The following SPAG1 variants were observed in gnomAD, a reference collection of about 807,000 sequenced individuals.
The protein encoded by SPAG1 is sperm associated antigen 1.
SPAG1 carries 69 observed loss-of-function variants against 100.5 expected under a neutral mutation model. That is an observed-to-expected ratio of 0.69 (90% CI 0.57 to 0.84). SPAG1 has a LOEUF of 0.84. Among genes scored for constraint, SPAG1 ranks in the 40% least tolerant of loss-of-function variants. The probability of loss-of-function intolerance (pLI) is 0.00; values close to 1 mark genes in which losing one functional copy is unlikely to be tolerated. For missense variants in SPAG1, 955 were observed against 1,133.1 expected (o/e 0.84, Z 2.26); for synonymous variants, 336 against 411.6 (o/e 0.82, Z 2.22).
chr8:100,168,685 A>ACCTTTTTTTTTTTTTTTTTTTTTTTTT (rs1815675141), intron 3 of SPAG1, among the ~76,000 whole-genome samples: 1 of 55,380 alleles, frequency 1.8e-5, no homozygotes, highest in African/African-American at 8.9e-5. Context: ...ATGCCCAGCC[A>ACCTTTTTTTTTTTTTTTTTTTTTTTTT]TCTTTTTTTT....
chr8:100,158,136 C>T (rs1482971324), upstream of SPAG1: 1 of 152,348 alleles, frequency 6.6e-6, no homozygotes, highest in Non-Finnish European at 1.5e-5. Context: ...CCTGTGTGTA[C>T]CTGCCGGCCG....
At chr8:100,200,357 T>C (rs1193949271) in intron 10 of SPAG1, among the ~76,000 whole-genome samples, 1 of 152,234 alleles carries the variant, frequency 6.6e-6, no homozygotes, top group Non-Finnish European at 1.5e-5. Flanking sequence ...TGATGGACAT[T>C]TGGGTTGGTT....
chr8:100,206,017 CAAAAA>C (rs574907013), intron 10 of SPAG1, among the ~76,000 whole-genome samples: 31 of 77,330 alleles, frequency 4.0e-4, no homozygotes, highest in African/African-American at 1.5e-3. Flanking sequence ...GACTCTGTCT[CAAAAA>C]AAAAAAAAAA....
intron 3 of SPAG1, among the ~76,000 whole-genome samples, chr8:100,176,807 C>CCCTCTCCTCTCCTCTCCACTCCTCT (rs1816140007): frequency 2.6e-5 from 3 of 116,296 alleles, no homozygotes; most frequent in Non-Finnish European, 5.1e-5. Context: ...TCATAAATTT[C>CCCTCTCCTCTCCTCTCCACTCCTCT]CCTCTCCTCT....
intron 16 of SPAG1, among the ~76,000 whole-genome samples, chr8:100,234,084 C>T (rs551801716): frequency 6.6e-6 from 1 of 152,328 alleles, no homozygotes; most frequent in South Asian, 2.1e-4. Flanking sequence ...GATATTGTAT[C>T]ATTCCACTTT....
In SPAG1 at chr8:100,216,220, C is replaced by T. The variant is rs73280949; in HGVS notation, c.1535+2302C>T. ...ATGTGAATTTGTTGGATACCAAGCCCGTGGTGATTTGCAGCCAACATCCTT... is the reference window on the plus strand; with the variant it reads ...ATGTGAATTTGTTGGATACCAAGCCTGTGGTGATTTGCAGCCAACATCCTT... On this transcript the variant is annotated intron_variant, in intron 12 of 18. Transcript: ENST00000388798. 4.9e-3 allele frequency among the ~76,000 whole-genome samples: 745 copies of T among 152,264 alleles called. 10 individuals are homozygous for T. The highest frequency in any genetic ancestry group is 0.017 in the African/African-American group (723 of 41,542).
intron 2 of SPAG1, 72 bp from the exon 3 acceptor site, chr8:100,165,742 A>T (rs1238683963): frequency 2.3e-6 from 3 of 1,309,368 alleles, no homozygotes; most frequent in South Asian, 2.8e-5. Flanking sequence ...CATGGAACCC[A>T]GCCTGCAAAC....
chr8:100,178,574 TCTCAGATGA>T (rs997733741), intron 4 of SPAG1, among the ~76,000 whole-genome samples: 1 of 152,278 alleles, frequency 6.6e-6, no homozygotes, highest in Admixed American at 6.5e-5. Flanking sequence ...CCTTGTAATT[TCTCAGATGA>T]CTCCCCAAGC....
chr8:100,199,259 A>G (rs992093583), intron 10 of SPAG1, among the ~76,000 whole-genome samples: 2 of 152,188 alleles, frequency 1.3e-5, no homozygotes, highest in African/African-American at 4.8e-5. Flanking sequence ...ATTTCTTTAC[A>G]TATTTGCCAG....
rs561570257 is a variant in SPAG1, at chr8:100,209,907, C to CT, written c.1097-3174dup. Among the ~76,000 whole-genome samples the CT allele has an allele frequency of 3.6e-3, 547 of 150,178 alleles. 4 individuals are homozygous for CT. Among genetic ancestry groups the CT allele is most frequent in the Non-Finnish European group, 6.3e-3 (424 of 67,426 alleles). ...GTGGGGGTGGTGAAGGGGGTGGATT[C>CT]TTTTTTTTTAATATAAATAGGATCA... On this transcript the variant is annotated intron_variant, in intron 10 of 18. Transcript: ENST00000388798.
chr8:100,239,542 C>G lies in SPAG1; in HGVS notation c.2280+138C>G. 1.6e-6 allele frequency: 1 copy of G among 636,786 alleles called. No individual in the cohort carries two copies. Among genetic ancestry groups the G allele is most frequent in the South Asian group, 1.9e-5 (1 of 51,950 alleles). The allele number at this position is 636,786 out of a possible 1,614,324, so 39.4% of individuals were successfully genotyped here. A position where few individuals can be genotyped will look rare whatever the true frequency, so the allele number is the denominator to read the frequency against. ...TGATCAGTGACAAAATTTTAACCAG[C>G]AACAAAATGTCTCCTTTGCAATGAT... On this transcript the variant is annotated intron_variant, in intron 17 of 18. Coordinates refer to ENST00000388798, the MANE Select transcript of SPAG1 (RefSeq NM_003114.5). This position sits in a 1 kb window ranked among gnomAD's most constrained non-coding sequence, Gnocchi z 5.0.
intron 16 of SPAG1, among the ~76,000 whole-genome samples, chr8:100,236,494 T>C (rs1819011698): frequency 6.6e-6 from 1 of 152,142 alleles, no homozygotes; most frequent in African/African-American, 2.4e-5. Context: ...GTGTCAGAAC[T>C]CACGCCCAGG....
rs1563820123 is a variant in SPAG1, at chr8:100,240,555, G to C, written c.2433G>C (p.Gln811His). ...AKPNNAYEFG[Q>H]IINALSTRKD... ...CTAATAATGCCTATGAATTTGGTCA[G>C]ATTATAAATGCTCTCAGTACCAGGA... Residue 811 changes from glutamine to histidine, a missense_variant, in exon 18 of 19, where the codon CAG (glutamine) becomes CAC (histidine). Coordinates refer to ENST00000388798, the MANE Select transcript of SPAG1 (RefSeq NM_003114.5). 2 of 1,614,104 alleles carry C rather than the reference G, an allele frequency of 1.2e-6. No homozygotes were observed. Among genetic ancestry groups the C allele is most frequent in the Non-Finnish European group, 1.7e-6 (2 of 1,179,996 alleles).
At position 100,199,865 on chromosome 8, in the gene SPAG1, G is replaced by A. The variant is rs1317593110; in HGVS notation, c.1096+5597G>A. Among the ~76,000 whole-genome samples, 11 of 151,162 alleles carry A rather than the reference G, an allele frequency of 7.3e-5. No homozygotes were observed. In the South Asian group the frequency reaches 1.0e-3, roughly 14 times the overall value. Reference sequence around the variant, plus strand: ...GATTTGCAAATACTTTTCCCATTCTGTGGGCTATCTTTTAAGTTTTTTGAT... The same window carrying A: ...GATTTGCAAATACTTTTCCCATTCTATGGGCTATCTTTTAAGTTTTTTGAT... On this transcript the variant is annotated intron_variant, in intron 10 of 18. Transcript: ENST00000388798.
chr8:100,171,747 T>C (rs936220182), intron 3 of SPAG1, among the ~76,000 whole-genome samples: 5 of 152,352 alleles, frequency 3.3e-5, no homozygotes, highest in Middle Eastern at 3.4e-3. Context: ...TTGTTCACCC[T>C]TCTTTCAAGA....
intron 10 of SPAG1, among the ~76,000 whole-genome samples, chr8:100,204,422 T>C (rs1817420303): frequency 6.6e-6 from 1 of 151,626 alleles, no homozygotes; most frequent in African/African-American, 2.4e-5. Context: ...GGGATAATGG[T>C]GGAAAGAACA....
intron 14 of SPAG1, among the ~76,000 whole-genome samples, chr8:100,226,387 G>A (rs1818514387): frequency 6.6e-6 from 1 of 152,104 alleles, no homozygotes; most frequent in Non-Finnish European, 1.5e-5. Flanking sequence ...TTCTGACTTT[G>A]TAAACCTGTA....
At chr8:100,172,287 A>G (rs1815894253) in intron 3 of SPAG1, among the ~76,000 whole-genome samples, 1 of 151,882 alleles carries the variant, frequency 6.6e-6, no homozygotes, top group Non-Finnish European at 1.5e-5. Context: ...ATTTACTTAT[A>G]TTTTCTCAGA....
chr8:100,172,597 GAGAC>G (rs1815911984), intron 3 of SPAG1, among the ~76,000 whole-genome samples: 1 of 152,006 alleles, frequency 6.6e-6, no homozygotes, highest in African/African-American at 2.4e-5. Flanking sequence ...TCCAGCCTGG[GAGAC>G]AGAGCTAGAC....
Sources: allele counts gnomAD v4.1 joint callset (sites outside exome capture counted in the v4.1 genomes callset), GRCh38; gene constraint gnomAD v4.1.1; non-coding constraint Gnocchi (gnomAD v3.1); transcripts MANE v1.5; gene names NCBI Gene and HGNC (gene_info 2026-07-23, HGNC 2026-07-21).